The following C1orf146 variants were observed in gnomAD, a reference collection of about 807,000 sequenced individuals.
C1orf146 encodes the protein chromosome 1 open reading frame 146, also known as protein SPO16 homolog.
Under a neutral mutation model 23.0 loss-of-function variants are expected in C1orf146, and 22 were observed. The observed-to-expected ratio is 0.96, with a 90% CI of 0.68 to 1.36. The LOEUF is 1.36. Ranked by LOEUF, C1orf146 falls within the 40% of genes most tolerant of loss-of-function variation. The pLI, the probability that C1orf146 is intolerant of heterozygous loss-of-function variation, is 0.00. For missense variants in C1orf146, 199 were observed against 206.8 expected (o/e 0.96, Z 0.23); for synonymous variants, 59 against 65.3 (o/e 0.90, Z 0.47).
intron 2 of C1orf146, among the ~76,000 whole-genome samples, chr1:92,234,596 G>T (rs1311711534): frequency 6.6e-6 from 1 of 152,186 alleles, no homozygotes; most frequent in African/African-American, 2.4e-5. Flanking sequence ...TCTCTGCCAG[G>T]CTTTGGTATC....
chr1:92,226,634 T>C (rs1049603394), intron 1 of C1orf146, among the ~76,000 whole-genome samples: 3 of 152,234 alleles, frequency 2.0e-5, no homozygotes, highest in African/African-American at 7.2e-5. Flanking sequence ...TGTTTTCCCA[T>C]CCTTTTACTT....
At chr1:92,232,660 T>TC (rs1652161480) in intron 2 of C1orf146, among the ~76,000 whole-genome samples, 1 of 151,904 alleles carries the variant, frequency 6.6e-6, no homozygotes, top group Non-Finnish European at 1.5e-5. Context: ...TATTTCTAGT[T>TC]CTAGATCCCT....
chr1:92,219,743 C>T (rs1651775605), intron 1 of C1orf146, among the ~76,000 whole-genome samples: 1 of 152,018 alleles, frequency 6.6e-6, no homozygotes, highest in Non-Finnish European at 1.5e-5. Flanking sequence ...CAGCCTCAAA[C>T]TCTTGGCCTT....
At chr1:92,218,526 A>C (rs1190725524) in intron 1 of C1orf146, among the ~76,000 whole-genome samples, 2 of 152,210 alleles carry the variant, frequency 1.3e-5, no homozygotes, top group African/African-American at 2.4e-5. Flanking sequence ...CAAAGGTTTA[A>C]GAGGCCACTG....
intron 1 of C1orf146, 44 bp downstream of exon 1, chr1:92,218,092 CTT>C (rs1651720531): frequency 6.6e-6 from 1 of 152,328 alleles, no homozygotes; most frequent in Non-Finnish European, 1.5e-5. Context: ...AGACCTGTCT[CTT>C]CGCGTTTTTC....
intron 2 of C1orf146, among the ~76,000 whole-genome samples, chr1:92,241,512 T>G (rs1420306955): frequency 6.6e-6 from 1 of 150,432 alleles, no homozygotes; most frequent in Non-Finnish European, 1.5e-5. Context: ...TTTTTTGAGG[T>G]AGAGTCTTGC....
intron 1 of C1orf146, among the ~76,000 whole-genome samples, chr1:92,224,012 T>A (rs372477651): frequency 7.5e-6 from 1 of 133,350 alleles, no homozygotes; most frequent in Non-Finnish European, 1.6e-5. Flanking sequence ...TGTTGTTTTA[T>A]TTTATTTATT....
chr1:92,234,420 T>C (rs1652219908), intron 2 of C1orf146, among the ~76,000 whole-genome samples: 1 of 152,228 alleles, frequency 6.6e-6, no homozygotes, highest in African/African-American at 2.4e-5. Flanking sequence ...CATTTATTGA[T>C]TTGCGTATAT....
intron 2 of C1orf146, among the ~76,000 whole-genome samples, chr1:92,236,071 T>G (rs1353175889): frequency 5.3e-5 from 8 of 152,108 alleles, no homozygotes; most frequent in South Asian, 2.1e-4. Context: ...CAATTTGCCA[T>G]TCTGTGTCTT....
At chr1:92,224,341 C>T (rs1651913263) in intron 1 of C1orf146, among the ~76,000 whole-genome samples, 1 of 152,198 alleles carries the variant, frequency 6.6e-6, no homozygotes, top group Non-Finnish European at 1.5e-5. Flanking sequence ...AGCCACCATG[C>T]TCGGCCAGAG....
rs141009454 is a variant in C1orf146 at position 92,224,894 on chromosome 1, C to T, written c.-39-6488C>T. Among the ~76,000 whole-genome samples, 1,222 of 152,156 alleles carry T rather than the reference C, an allele frequency of 8.0e-3. 18 individuals are homozygous for T. Among genetic ancestry groups the T allele is most frequent in the Non-Finnish European group, 9.7e-3 (658 of 68,000 alleles). Reference sequence around the variant, plus strand: ...AGTAGCTGGGACTACAGGCGCGTGCCACCACGCCCAGCTGATTTTTGTAGT... The same window carrying T: ...AGTAGCTGGGACTACAGGCGCGTGCTACCACGCCCAGCTGATTTTTGTAGT... On this transcript the variant is annotated intron_variant, in intron 1 of 5. Transcript: ENST00000370375.
intron 1 of C1orf146, among the ~76,000 whole-genome samples, chr1:92,221,907 G>T (rs1199657852): frequency 6.6e-6 from 1 of 152,134 alleles, no homozygotes; most frequent in Non-Finnish European, 1.5e-5. Context: ...ATTTTAAAAT[G>T]ACACACTTAT....
At chr1:92,229,862 GAC>G (rs1372004971) in intron 1 of C1orf146, among the ~76,000 whole-genome samples, 4 of 152,112 alleles carry the variant, frequency 2.6e-5, no homozygotes, top group South Asian at 2.1e-4. Context: ...ATGGGCAAAA[GAC>G]ATGTGGAGAT....
chr1:92,221,119 T>C (rs771139017), intron 1 of C1orf146, among the ~76,000 whole-genome samples: 124 of 152,072 alleles, frequency 8.2e-4, no homozygotes, highest in Non-Finnish European at 1.6e-3. Flanking sequence ...ATAAAGAAAA[T>C]GAACATATAC....
chr1:92,236,202 C>T (rs1198938300), intron 2 of C1orf146, among the ~76,000 whole-genome samples: 1 of 151,856 alleles, frequency 6.6e-6, no homozygotes, highest in Non-Finnish European at 1.5e-5. Flanking sequence ...TCTTCCTAGT[C>T]TCGATGGTCT....
intron 5 of C1orf146, 144 bp from the exon 6 acceptor site, chr1:92,245,396 T>C: frequency 1.7e-6 from 1 of 604,670 alleles, no homozygotes; most frequent in Non-Finnish European, 2.8e-6. Flanking sequence ...TCCTGTTGAC[T>C]ACTCTAGTAA....
chr1:92,240,883 G>T, intron 2 of C1orf146: 1 of 460,648 alleles, frequency 2.2e-6, no homozygotes, highest in Non-Finnish European at 4.5e-6. Context: ...AGTATTGTGG[G>T]TAATATGATT....
intron 4 of C1orf146, among the ~76,000 whole-genome samples, 185 bp from the exon 5 acceptor site, chr1:92,244,594 A>G (rs953934558): frequency 6.6e-6 from 1 of 152,242 alleles, no homozygotes; most frequent in Non-Finnish European, 1.5e-5. Context: ...CCAAGCCAAA[A>G]GTGAACACTT....
At chr1:92,244,902 G>A in intron 5 of C1orf146, 45 bp downstream of exon 5, 1 of 1,111,228 alleles carries the variant, frequency 9.0e-7, no homozygotes. Flanking sequence ...TACATTTTAA[G>A]GTTTTTAACT....
Sources: allele counts gnomAD v4.1 joint callset (sites outside exome capture counted in the v4.1 genomes callset), GRCh38; gene constraint gnomAD v4.1.1; transcripts MANE v1.5; gene names NCBI Gene and HGNC (gene_info 2026-07-23, HGNC 2026-07-21).